KCNMA1: variants seen among roughly 807,000 people sequenced by gnomAD.
KCNMA1 encodes potassium calcium-activated channel subfamily M alpha 1, also known as Calcium-activated potassium channel subunit alpha-1.
In KCNMA1, 29 loss-of-function variants were observed where a neutral mutation model predicts 140.0. The observed-to-expected ratio is 0.21, with a 90% confidence interval of 0.15 to 0.28. The LOEUF (loss-of-function observed/expected upper bound fraction) is 0.28, where lower values mean the gene tolerates loss of function less well. Among genes scored for constraint, KCNMA1 ranks in the 10% least tolerant of loss-of-function variants. The pLI is 1.00. For missense variants in KCNMA1, 880 were observed against 1,602.2 expected (o/e 0.55, Z 7.70); for synonymous variants, 612 against 611.9 (o/e 1.00, Z 0.00).
At chr10:77,574,479 T>C (rs1372054362) in intron 1 of KCNMA1, among the ~76,000 whole-genome samples, 2 of 152,180 alleles carry the variant, frequency 1.3e-5, no homozygotes, top group African/African-American at 4.8e-5. Context: ...CTGGTGTTAC[T>C]GAATCCAGGC....
In KCNMA1 at chr10:77,193,890, A is replaced by T. The variant is rs544741015; in HGVS notation, c.603-8974T>A. On this transcript the variant is annotated intron_variant, in intron 3 of 27. Coordinates refer to ENST00000286628, the MANE Select transcript of KCNMA1 (RefSeq NM_001161352.2). ...ACCCCTGGATCCATACTCCTCTCAC[A>T]TCTACAGGAATTTAGTCCTAGGGAA... 2.6e-5 allele frequency among the ~76,000 whole-genome samples: 4 copies of T among 152,294 alleles called. No individual in the cohort carries two copies. In the South Asian group the frequency reaches 8.3e-4, roughly 32 times the overall value.
chr10:77,339,706 T>C (rs970496130), intron 2 of KCNMA1, among the ~76,000 whole-genome samples: 1 of 152,080 alleles, frequency 6.6e-6, no homozygotes, highest in Admixed American at 6.5e-5. Flanking sequence ...CAAGGTGGAG[T>C]CCAACCTTGC....
At chr10:76,938,855 T>G (rs2061247919) in intron 23 of KCNMA1, among the ~76,000 whole-genome samples, 1 of 152,098 alleles carries the variant, frequency 6.6e-6, no homozygotes, top group African/African-American at 2.4e-5. Flanking sequence ...TCACTTTGCC[T>G]CCACCTGTTA....
rs113285844 is a variant in KCNMA1 at position 76,925,703 on chromosome 10, C to A, written c.2903-10654G>T. Among the ~76,000 whole-genome samples, 1,392 of 152,222 alleles carry A rather than the reference C, an allele frequency of 9.1e-3. 19 individuals carry two copies. Among genetic ancestry groups the A allele is most frequent in the African/African-American group, 0.032 (1,312 of 41,524 alleles). ...AGCATTTGTCATGTAGTTCAAATGT[C>A]CTTTTACATTTAAAATACCAAATGC... On this transcript the variant is annotated intron_variant, in intron 23 of 27. Transcript: ENST00000286628.
intron 1 of KCNMA1, among the ~76,000 whole-genome samples, chr10:77,439,095 G>GAGAAC (rs1211757682): frequency 2.7e-5 from 3 of 112,686 alleles, no homozygotes; most frequent in East Asian, 5.4e-4. Context: ...GAAAAGAGAA[G>GAGAAC]AGAAGAGAAG....
chr10:77,341,693 G>A (rs2090973076), intron 2 of KCNMA1, among the ~76,000 whole-genome samples: 1 of 152,214 alleles, frequency 6.6e-6, no homozygotes, highest in African/African-American at 2.4e-5. Context: ...GGTGAAGGGG[G>A]TAGTGAGAGA....
At chr10:77,178,596 C>A (rs980511591) in intron 5 of KCNMA1, among the ~76,000 whole-genome samples, 3 of 151,926 alleles carry the variant, frequency 2.0e-5, no homozygotes, top group Non-Finnish European at 4.4e-5. Flanking sequence ...TCTGAGCTAT[C>A]GGGGAGGCTG....
intron 1 of KCNMA1, among the ~76,000 whole-genome samples, chr10:77,518,071 C>T (rs2051243518): frequency 2.6e-5 from 4 of 152,142 alleles, no homozygotes; most frequent in Admixed American, 2.6e-4. Flanking sequence ...AAGTACTGTT[C>T]CCTCAAAGAT....
intron 2 of KCNMA1, among the ~76,000 whole-genome samples, chr10:77,286,197 A>T (rs2154301884): frequency 6.6e-6 from 1 of 152,302 alleles, no homozygotes; most frequent in Non-Finnish European, 1.5e-5. Context: ...TGGAAAGCCC[A>T]TCTCACTTGC....
chr10:76,914,291 A>G, intron 24 of KCNMA1: 1 of 624,960 alleles, frequency 1.6e-6, no homozygotes, highest in Non-Finnish European at 2.9e-6. Flanking sequence ...AGGCCACTCT[A>G]CAGTTTTGCA....
chr10:76,977,349 T>C (rs999902751), intron 19 of KCNMA1, among the ~76,000 whole-genome samples: 1 of 152,160 alleles, frequency 6.6e-6, no homozygotes, highest in Admixed American at 6.5e-5. Context: ...GGAAACAAAA[T>C]CTAAGAATAA....
At chr10:77,511,070 T>C (rs1169159624) in intron 1 of KCNMA1, among the ~76,000 whole-genome samples, 1 of 152,210 alleles carries the variant, frequency 6.6e-6, no homozygotes, top group African/African-American at 2.4e-5. Context: ...TGTGAGTATG[T>C]TGGGGCTGCT....
intron 1 of KCNMA1, among the ~76,000 whole-genome samples, chr10:77,603,247 C>G (rs113526480): frequency 6.6e-6 from 1 of 152,166 alleles, no homozygotes; most frequent in Non-Finnish European, 1.5e-5. Context: ...TTAATGCCAG[C>G]GTTCGCAGGA....
chr10:76,977,052 C>G (rs1004388373), intron 19 of KCNMA1, among the ~76,000 whole-genome samples: 2 of 152,298 alleles, frequency 1.3e-5, no homozygotes, highest in African/African-American at 4.8e-5. Flanking sequence ...AACAGCCCCT[C>G]CCAACTTTCC....
At chr10:76,950,453 A>G (rs1192809435) in intron 21 of KCNMA1, among the ~76,000 whole-genome samples, 2 of 152,212 alleles carry the variant, frequency 1.3e-5, no homozygotes, top group East Asian at 3.9e-4. Flanking sequence ...CTTCCCAGGA[A>G]ATACAAATGT....
intron 17 of KCNMA1, among the ~76,000 whole-genome samples, chr10:77,014,433 CAAA>C (rs35030342): frequency 5.2e-4 from 46 of 87,988 alleles, no homozygotes; most frequent in East Asian, 3.0e-3. Context: ...GACATTGTCT[CAAA>C]AAAAAAAAAA....
At chr10:77,239,493 A>C (rs860162) in intron 3 of KCNMA1, among the ~76,000 whole-genome samples, 132,413 of 152,242 alleles carry the variant, frequency 0.87, 57,922 homozygotes, top group East Asian at 0.98. Context: ...GGACAACTGC[A>C]TTCTAGTAGA....
At chr10:77,282,955 T>C (rs2069225945) in intron 2 of KCNMA1, among the ~76,000 whole-genome samples, 1 of 152,256 alleles carries the variant, frequency 6.6e-6, no homozygotes, top group Admixed American at 6.5e-5. Context: ...TAGCTGAATA[T>C]GTTCCTGCCT....
At chr10:77,077,573 T>C (rs770877445) in intron 13 of KCNMA1, among the ~76,000 whole-genome samples, 4 of 152,180 alleles carry the variant, frequency 2.6e-5, no homozygotes, top group Non-Finnish European at 4.4e-5. Context: ...CAGCACTCAT[T>C]GGAAAGAGAA....
Sources: allele counts gnomAD v4.1 joint callset (sites outside exome capture counted in the v4.1 genomes callset), GRCh38; gene constraint gnomAD v4.1.1; transcripts MANE v1.5; gene names NCBI Gene and HGNC (gene_info 2026-07-23, HGNC 2026-07-21).